The following SUPT20H variants were observed in gnomAD, a reference collection of about 807,000 sequenced individuals.
SUPT20H encodes the protein SPT20 homolog, SAGA complex component.
In SUPT20H, 82 loss-of-function variants were observed where a neutral mutation model predicts 122.8. That is an observed-to-expected ratio of 0.67 (90% CI 0.56 to 0.80). The LOEUF (loss-of-function observed/expected upper bound fraction) is 0.80, where lower values mean the gene tolerates loss of function less well. Ranked by LOEUF, SUPT20H falls within the 30% of genes least tolerant of loss-of-function variation. The pLI is 0.00. For synonymous variants in SUPT20H, 291 were observed against 313.0 expected, an observed-to-expected ratio of 0.93 and a Z score of 0.74; for missense variants, 831 against 921.6, an observed-to-expected ratio of 0.90 and a Z score of 1.27.
intron 1 of SUPT20H, among the ~76,000 whole-genome samples, chr13:37,056,653 A>G (rs2069118779): frequency 6.6e-6 from 1 of 152,142 alleles, no homozygotes; most frequent in Non-Finnish European, 1.5e-5. Flanking sequence ...ATGAGGAGAT[A>G]TACCTAATGT....
intron 17 of SUPT20H, 176 bp downstream of exon 17, chr13:37,025,144 A>G (rs1490163615): frequency 9.3e-6 from 5 of 539,042 alleles, no homozygotes; most frequent in Middle Eastern, 4.7e-4. Flanking sequence ...GTTTCACACT[A>G]TTGGTCAGGC....
rs1459741574 is a variant in SUPT20H, at chr13:37,024,147, T to C, written c.1479A>G (p.Pro493=). ...PQQTSSFLKS[P]TPPPSSKPSS... is the part of the protein sequence containing the mutation. ...ATGGCTTAGAAGAAGGAGGAGGAGT[T>C]GGAGATTTGAGAAAGCTGCTTGTCT... The change falls in exon 19 of 26, where the codon CCA becomes CCG. Residue 493 remains proline, a synonymous_variant. Transcript: ENST00000350612. 1 of 1,613,660 alleles carries C rather than the reference T, an allele frequency of 6.2e-7. No individual in the cohort carries two copies. The highest frequency in any genetic ancestry group is 1.7e-5 in the Admixed American group (1 of 59,962).
intron 22 of SUPT20H, among the ~76,000 whole-genome samples, chr13:37,017,654 ACT>A (rs1323217745): frequency 2.0e-5 from 3 of 152,110 alleles, no homozygotes; most frequent in Admixed American, 6.5e-5. Context: ...TTTTCATTTC[ACT>A]CTTTTTATAC....
At position 37,017,302 on chromosome 13, in the gene SUPT20H, A is replaced by C. The variant is rs1229264814; in HGVS notation, c.1935T>G (p.Phe645Leu). The C allele has an allele frequency of 4.3e-6, 7 of 1,614,168 alleles. No homozygotes were observed. The highest frequency in any genetic ancestry group is 5.9e-6 in the Non-Finnish European group (7 of 1,180,008). ...LQQQQQQLSQ[F>L]TPQQPQQPTT... The stretch of plus-strand genomic sequence containing the variant: ...TGGGCTGCTGAGGTTGTTGTGGTGT[A>C]AACTGGGAGAGCTGCTGTTGCTGCT... Residue 645 changes from phenylalanine to leucine, a missense_variant, in exon 23 of 26, where the codon TTT (phenylalanine) becomes TTG (leucine). Phe to Leu is a conservative substitution (Grantham distance 22). Transcript: ENST00000350612.
chr13:37,039,673 G>C (rs954452720), intron 9 of SUPT20H: 1 of 151,842 alleles, frequency 6.6e-6, no homozygotes, highest in Non-Finnish European at 1.5e-5. Flanking sequence ...TTACAGTCCA[G>C]ATTTGGCTCC....
intron 9 of SUPT20H, among the ~76,000 whole-genome samples, chr13:37,034,962 T>C (rs1264201567): frequency 1.3e-5 from 2 of 152,218 alleles, no homozygotes. Flanking sequence ...TTACTGAATA[T>C]TTTAAGGCCA....
intron 7 of SUPT20H, among the ~76,000 whole-genome samples, chr13:37,042,154 A>C (rs1260796671): frequency 1.3e-5 from 2 of 152,236 alleles, no homozygotes; most frequent in Non-Finnish European, 2.9e-5. Flanking sequence ...ACGATCATGT[A>C]TCTTAAAGAG....
intron 24 of SUPT20H, among the ~76,000 whole-genome samples, chr13:37,011,528 C>T (rs2147169): frequency 0.91 from 137,946 of 152,182 alleles, 62,637 homozygotes; most frequent in East Asian, 1. Context: ...CCTCAAACTC[C>T]TATCATAGTT....
intron 10 of SUPT20H, among the ~76,000 whole-genome samples, chr13:37,032,171 A>G (rs1481127456): frequency 6.6e-6 from 1 of 152,178 alleles, no homozygotes; most frequent in Non-Finnish European, 1.5e-5. Flanking sequence ...AGAAGCAGTA[A>G]GAGAAGCAAA....
chr13:37,011,038 T>C (rs1217988834), intron 24 of SUPT20H, among the ~76,000 whole-genome samples: 2 of 152,198 alleles, frequency 1.3e-5, no homozygotes, highest in African/African-American at 4.8e-5. Context: ...ACAAAGCTGG[T>C]AGACAGACAA....
At position 37,017,294 on chromosome 13, in the gene SUPT20H, T is replaced by C; in HGVS notation, c.1943A>G (p.Gln648Arg). Residue 648 changes from glutamine (Q) to arginine (R), a missense_variant, in exon 23 of 26, where the codon CAA (glutamine) becomes CGA (arginine). Coordinates refer to ENST00000350612, the MANE Select transcript of SUPT20H (RefSeq NM_001014286.3). ...ACAAGTTGTGGGCTGCTGAGGTTGT[T>C]GTGGTGTAAACTGGGAGAGCTGCTG... Reference protein sequence around the residue: ...QQQQLSQFTPQQPQQPTTCSP... With the variant: ...QQQQLSQFTPRQPQQPTTCSP... 6.2e-7 allele frequency: 1 copy of C among 1,614,150 alleles called. No homozygotes were observed. Among genetic ancestry groups the C allele is most frequent in the East Asian group, 2.2e-5 (1 of 44,880 alleles).
intron 21 of SUPT20H, among the ~76,000 whole-genome samples, chr13:37,020,080 C>A (rs1217161592): frequency 6.6e-6 from 1 of 152,058 alleles, no homozygotes; most frequent in Non-Finnish European, 1.5e-5. Context: ...AATGTAGTAA[C>A]CATTTCTAGC....
At chr13:37,040,117 A>G (rs2065207079) in intron 9 of SUPT20H, 1 of 275,474 alleles carries the variant, frequency 3.6e-6, no homozygotes. Flanking sequence ...AACCATGGTA[A>G]AAACAAAACA....
Position 37,022,212 on chromosome 13 carries a change from G to A in SUPT20H, c.1592-132C>T, listed in dbSNP as rs1046674815. ...AGGGGTGAAGCCTGAATCTTGGGGAGTAGGGGTGGCTGAAGGGGTACTAGG... is the reference window on the plus strand; with the variant it reads ...AGGGGTGAAGCCTGAATCTTGGGGAATAGGGGTGGCTGAAGGGGTACTAGG... On this transcript the variant is annotated intron_variant, in intron 19 of 25. Transcript: ENST00000350612. The surrounding 1 kb of genome is among the most constrained non-coding windows in gnomAD (Gnocchi z 4.5). The A allele has an allele frequency of 1.9e-6, 3 of 1,589,968 alleles. No individual in the cohort carries two copies. The African/African-American group carries it at 4.0e-5, about 21-fold the overall frequency.
chr13:37,037,774 C>T (rs192890527), intron 9 of SUPT20H, among the ~76,000 whole-genome samples: 3 of 152,274 alleles, frequency 2.0e-5, no homozygotes, highest in Admixed American at 2.0e-4. Context: ...TTACTATTAT[C>T]ACATAACATA....
At chr13:37,031,940 AC>A (rs1566227078) in intron 10 of SUPT20H, 45 bp from the exon 11 acceptor site, 6 of 1,517,162 alleles carry the variant, frequency 4.0e-6, no homozygotes, top group African/African-American at 2.8e-5. Flanking sequence ...AATAAAAGAA[AC>A]TCATAATATA....
chr13:37,043,270 A>C (rs1351751262), intron 7 of SUPT20H, among the ~76,000 whole-genome samples: 1 of 152,194 alleles, frequency 6.6e-6, no homozygotes. Context: ...ATGCTAGTCG[A>C]CTGGTGCTAG....
chr13:37,023,203 A>AACAAGAAGGCAGAAAAATTACACCTG (rs2061654512), intron 19 of SUPT20H, among the ~76,000 whole-genome samples: 1 of 152,158 alleles, frequency 6.6e-6, no homozygotes, highest in Non-Finnish European at 1.5e-5. Flanking sequence ...CTTTGTGCAA[A>AACAAGAAGGCAGAAAAATTACACCTG]ACAAGAAGGC....
chr13:37,026,043 C>T lies in SUPT20H; in HGVS notation c.1211+161G>A, dbSNP rs547897289. 8.8e-5 allele frequency: 43 copies of T among 488,956 alleles called. 1 individual carries two copies. In the South Asian group the frequency reaches 1.9e-3, roughly 22 times the overall value. 30.3% of individuals were successfully genotyped at this position (488,956 alleles called of 1,614,324 possible). On this transcript the variant is annotated intron_variant, in intron 16 of 25. Coordinates refer to ENST00000350612, the MANE Select transcript of SUPT20H (RefSeq NM_001014286.3). ...ACCTTAGAGGTTTTATTGTCCAATG[C>T]CCTAATTTTACAACAGAGACCCATA...
Sources: gnomAD v4.1 joint callset for allele counts (sites outside exome capture counted in the v4.1 genomes callset) on GRCh38, gnomAD v4.1.1 for gene constraint, Gnocchi (gnomAD v3.1) non-coding constraint, MANE v1.5 for transcripts, NCBI Gene and HGNC (gene_info 2026-07-23, HGNC 2026-07-21) for gene names.